The following HPGDS variants were observed in gnomAD, a reference collection of about 807,000 sequenced individuals.
HPGDS encodes the protein GST class-sigma.
A neutral mutation model predicts 23.1 loss-of-function variants in HPGDS; 26 were observed. The ratio of observed to expected loss-of-function variants is 1.13; its 90% confidence interval spans 0.83 to 1.56. HPGDS has a LOEUF of 1.56. Among genes scored for constraint, HPGDS ranks in the 40% most tolerant of loss-of-function variants. The probability of loss-of-function intolerance (pLI) is 0.00; values close to 1 mark genes in which losing one functional copy is unlikely to be tolerated. For missense variants in HPGDS, 268 were observed against 236.4 expected (o/e 1.13, Z -0.88); for synonymous variants, 95 against 77.9 (o/e 1.22, Z -1.16).
intron 2 of HPGDS, among the ~76,000 whole-genome samples, chr4:94,322,340 C>T (rs946822660): frequency 3.3e-5 from 5 of 152,134 alleles, no homozygotes; most frequent in African/African-American, 1.2e-4. Flanking sequence ...AGGAATGGTA[C>T]CAGCTCCTCC....
intron 2 of HPGDS, among the ~76,000 whole-genome samples, chr4:94,324,651 C>G (rs1262033252): frequency 6.6e-6 from 1 of 151,984 alleles, no homozygotes; most frequent in Non-Finnish European, 1.5e-5. Context: ...TTCTAATTAA[C>G]CATTCGTCTA....
chr4:94,308,512 T>C, intron 4 of HPGDS, 122 bp downstream of exon 4: 1 of 517,572 alleles, frequency 1.9e-6, no homozygotes, highest in East Asian at 3.1e-5. Flanking sequence ...TTTTAAAATA[T>C]AATTTGGTAT....
At chr4:94,302,664 G>C (rs1051812729) in intron 4 of HPGDS, among the ~76,000 whole-genome samples, 32 of 151,972 alleles carry the variant, frequency 2.1e-4, no homozygotes, top group Non-Finnish European at 8.8e-5. Context: ...CGTAAGGCTA[G>C]ACTCTTCTAG....
rs189027773 is a variant in HPGDS, at chr4:94,341,178, T to C, written c.-10+1617A>G. Among the ~76,000 whole-genome samples the C allele has an allele frequency of 1.8e-3, 269 of 152,260 alleles. 2 individuals carry two copies. Among genetic ancestry groups the C allele is most frequent in the African/African-American group, 5.9e-3 (247 of 41,540 alleles). ...TAAATTACCCAGTCTCAGGTATGTC[T>C]TAATCAGCAGCGTGAAAACTAACTA... On this transcript the variant is annotated intron_variant, in intron 1 of 5. Coordinates refer to ENST00000295256, the MANE Select transcript of HPGDS (RefSeq NM_014485.3).
chr4:94,322,154 G>C (rs1478168857), intron 2 of HPGDS, among the ~76,000 whole-genome samples: 3 of 152,168 alleles, frequency 2.0e-5, no homozygotes, highest in Admixed American at 1.3e-4. Flanking sequence ...TGTGTTGCTG[G>C]ATTCGGTTTG....
At position 94,299,663 on chromosome 4, in the gene HPGDS, A is replaced by G; in HGVS notation, c.436-19T>C. 1.9e-6 allele frequency: 3 copies of G among 1,603,912 alleles called. No homozygotes were observed. The highest frequency in any genetic ancestry group is 2.6e-6 in the Non-Finnish European group (3 of 1,173,248). On this transcript the variant is annotated intron_variant, in intron 5 of 5. Transcript: ENST00000295256. ...AAGTTACCTAGTTTAAAGGAAACAA[A>G]CTTTTCATTTGAACATAGAAAGTGT...
chr4:94,308,978 C>T (rs1198663557), intron 3 of HPGDS, among the ~76,000 whole-genome samples: 2 of 150,462 alleles, frequency 1.3e-5, no homozygotes, highest in African/African-American at 4.9e-5. Flanking sequence ...AAATATATAT[C>T]CCACTAGATA....
chr4:94,319,691 C>T (rs1157411857), intron 2 of HPGDS, among the ~76,000 whole-genome samples: 4 of 152,030 alleles, frequency 2.6e-5, no homozygotes, highest in African/African-American at 9.7e-5. Context: ...CTTCCTTAAG[C>T]ATTTCTTGTA....
chr4:94,308,389 T>C (rs1474288377), intron 4 of HPGDS, among the ~76,000 whole-genome samples: 4 of 152,120 alleles, frequency 2.6e-5, no homozygotes, highest in Admixed American at 1.3e-4. Context: ...TATAGAAATA[T>C]GGAAATGTGT....
chr4:94,310,719 C>G (rs1756250080), intron 3 of HPGDS, among the ~76,000 whole-genome samples: 1 of 152,126 alleles, frequency 6.6e-6, no homozygotes, highest in African/African-American at 2.4e-5. Flanking sequence ...CTATAAATTA[C>G]CTTGGGCAGT....
intron 2 of HPGDS, among the ~76,000 whole-genome samples, chr4:94,320,516 T>A (rs764635182): frequency 6.6e-6 from 1 of 152,262 alleles, no homozygotes; most frequent in African/African-American, 2.4e-5. Flanking sequence ...TGACCAGTGA[T>A]GACGAGCATT....
intron 1 of HPGDS, among the ~76,000 whole-genome samples, chr4:94,335,611 A>G (rs1272204271): frequency 6.6e-6 from 1 of 152,210 alleles, no homozygotes; most frequent in Non-Finnish European, 1.5e-5. Flanking sequence ...GGATTTGTAA[A>G]TTAATGAGGT....
intron 4 of HPGDS, among the ~76,000 whole-genome samples, chr4:94,303,345 T>C (rs1177247145): frequency 6.6e-6 from 1 of 152,106 alleles, no homozygotes; most frequent in African/African-American, 2.4e-5. Flanking sequence ...ATCTCAGATA[T>C]CGGTTCTTGA....
intron 2 of HPGDS, among the ~76,000 whole-genome samples, chr4:94,332,058 C>A (rs1012363726): frequency 7.9e-5 from 12 of 152,054 alleles, no homozygotes; most frequent in African/African-American, 2.9e-4. Context: ...GCCCCACAAT[C>A]GTGTGCCTAT....
At chr4:94,315,348 C>A (rs193005953) in intron 3 of HPGDS, among the ~76,000 whole-genome samples, 2 of 152,308 alleles carry the variant, frequency 1.3e-5, no homozygotes, top group Admixed American at 6.5e-5. Context: ...TTTGTTAATA[C>A]AAGCAACACT....
At chr4:94,341,012 A>C (rs1322426263) in intron 1 of HPGDS, among the ~76,000 whole-genome samples, 4 of 151,222 alleles carry the variant, frequency 2.6e-5, no homozygotes, top group Non-Finnish European at 5.9e-5. Context: ...CGCCCAGCTA[A>C]TTTTTGTATT....
At chr4:94,340,150 G>T (rs1247318749) in intron 1 of HPGDS, among the ~76,000 whole-genome samples, 1 of 151,616 alleles carries the variant, frequency 6.6e-6, no homozygotes, top group Non-Finnish European at 1.5e-5. Flanking sequence ...TGGAGATGGG[G>T]TTTCACCATG....
At chr4:94,315,262 C>T (rs1341267152) in intron 3 of HPGDS, among the ~76,000 whole-genome samples, 1 of 152,188 alleles carries the variant, frequency 6.6e-6, no homozygotes, top group Non-Finnish European at 1.5e-5. Context: ...GGAGCTGTTC[C>T]TATTCAGTCA....
intron 3 of HPGDS, among the ~76,000 whole-genome samples, chr4:94,314,500 G>A (rs112620405): frequency 2.1e-3 from 315 of 152,280 alleles, no homozygotes; most frequent in African/African-American, 7.0e-3. Context: ...TGCTCTGGAC[G>A]TTTTGTCTCA....
Sources: allele counts gnomAD v4.1 joint callset (sites outside exome capture counted in the v4.1 genomes callset), GRCh38; gene constraint gnomAD v4.1.1; transcripts MANE v1.5; gene names NCBI Gene and HGNC (gene_info 2026-07-23, HGNC 2026-07-21).